KIR3DL3: variants seen among roughly 807,000 people sequenced by gnomAD.
The protein encoded by KIR3DL3 is killer cell immunoglobulin-like receptor 3DL3.
Under a neutral mutation model 34.9 loss-of-function variants are expected in KIR3DL3, and 27 were observed. The observed-to-expected ratio is 0.77, with a 90% CI of 0.57 to 1.07. KIR3DL3 has a LOEUF of 1.07. Ranked by LOEUF, KIR3DL3 falls within the 50% of genes least tolerant of loss-of-function variation. The probability of loss-of-function intolerance (pLI) is 0.00; values close to 1 mark genes in which losing one functional copy is unlikely to be tolerated. For missense variants in KIR3DL3, 681 were observed against 528.5 expected, an observed-to-expected ratio of 1.29 and a Z score of -2.83; for synonymous variants, 217 against 200.2, an observed-to-expected ratio of 1.08 and a Z score of -0.71.
chr19:54,732,236 G>A (rs1419717470), intron 5 of KIR3DL3, among the ~76,000 whole-genome samples: 2 of 137,964 alleles, frequency 1.4e-5, no homozygotes, highest in Admixed American at 7.9e-5. Flanking sequence ...GGTTTTTTGT[G>A]TGTGTGTGTG....
rs2069584998 is a variant in KIR3DL3, at chr19:54,736,171, G to T, written c.*75G>T. On this transcript the variant is annotated 3_prime_UTR_variant, in exon 8 of 8. Transcript: ENST00000291860. Reference sequence around the variant, plus strand: ...CTAGCACCACAGTCAGGCCTTGATGGGATCTTCTAGGGAGACAATAGCCCT... The same window carrying T: ...CTAGCACCACAGTCAGGCCTTGATGTGATCTTCTAGGGAGACAATAGCCCT... 1.3e-6 allele frequency: 2 copies of T among 1,581,136 alleles called. No homozygotes were observed. The highest frequency in any genetic ancestry group is 1.1e-5 in the South Asian group (1 of 89,904).
Position 54,735,237 on chromosome 19 carries a change from T to A in KIR3DL3, c.950-16T>A. 6.8e-7 allele frequency: 1 copy of A among 1,475,690 alleles called. No individual in the cohort carries two copies. Among genetic ancestry groups the A allele is most frequent in the Non-Finnish European group, 9.4e-7 (1 of 1,062,586 alleles). The allele number at this position is 1,475,690 out of a possible 1,614,324, so 91.4% of individuals were successfully genotyped here. A position where few individuals can be genotyped will look rare whatever the true frequency, so the allele number is the denominator to read the frequency against. On this transcript the variant is annotated splice_polypyrimidine_tract_variant and intron_variant, in intron 5 of 7. Transcript: ENST00000291860. ...TGCTATGATTAGCTTCTTATTGGTG[T>A]CTTGTCTTCCTCCAGGTAACTCCAG...
At chr19:54,726,829 A>C (rs1410566445) in intron 3 of KIR3DL3, among the ~76,000 whole-genome samples, 1 of 129,308 alleles carries the variant, frequency 7.7e-6, no homozygotes, top group Non-Finnish European at 1.7e-5. Context: ...CTGAGTCTCC[A>C]GAGGAAACAC....
chr19:54,734,266 G>C (rs1457306171), intron 5 of KIR3DL3, among the ~76,000 whole-genome samples: 3 of 151,428 alleles, frequency 2.0e-5, no homozygotes, highest in Admixed American at 1.3e-4. Flanking sequence ...ACACCTCCTG[G>C]AATGCACCTG....
At chr19:54,724,752 G>A (rs139931887) in intron 1 of KIR3DL3, among the ~76,000 whole-genome samples, 6,342 of 147,310 alleles carry the variant, frequency 0.043, 193 homozygotes, top group Non-Finnish European at 0.067. Context: ...TAGAGATATG[G>A]GCCTGGAACT....
Position 54,727,652 on chromosome 19 carries a change from C to A in KIR3DL3, c.397C>A (p.Leu133Met). The change falls in exon 4 of 8, where the codon CTG becomes ATG. Residue 133 changes from leucine to methionine, a missense_variant. Physicochemically the swap from Leu to Met is conservative, Grantham distance 15. Transcript: ENST00000291860. ...TTCCCTCCTGGCCCACCCAGGTCCC[C>A]TGGTGAAATCAGGAGAGACGGTCAT... The part of the protein sequence containing the change: ...KPSLLAHPGP[L>M]VKSGETVILQ... 1 of 1,611,990 alleles carries A rather than the reference C, an allele frequency of 6.2e-7. No homozygotes were observed. Among genetic ancestry groups the A allele is most frequent in the Non-Finnish European group, 8.5e-7 (1 of 1,179,468 alleles).
In KIR3DL3 at chr19:54,735,987, AC is replaced by A. The variant is rs988388308; in HGVS notation, c.1127del (p.Pro376LeufsTer4). ...TVNREDSDEQ[D>X]PQEVTYAQLN... ...TCCCTCCAGGACTCTGATGAACAAG[AC>A]CCTCAGGAGGTGACATACGCACAGT... is the stretch of plus-strand genomic sequence containing the variant. On this transcript the variant is annotated frameshift_variant, in exon 8 of 8. Transcript: ENST00000291860. LOFTEE classifies it low-confidence loss of function (END_TRUNC). 1.9e-6 allele frequency: 3 copies of A among 1,612,914 alleles called. No individual in the cohort carries two copies. The highest frequency in any genetic ancestry group is 2.5e-6 in the Non-Finnish European group (3 of 1,179,834).
chr19:54,728,426 G>A (rs1294319340), intron 4 of KIR3DL3, among the ~76,000 whole-genome samples: 1 of 147,664 alleles, frequency 6.8e-6, no homozygotes, highest in Non-Finnish European at 1.5e-5. Flanking sequence ...CCCAGGTGAG[G>A]GAGCAGAACA....
chr19:54,733,332 G>A (rs1284855951), intron 5 of KIR3DL3, among the ~76,000 whole-genome samples: 1 of 152,090 alleles, frequency 6.6e-6, no homozygotes, highest in Non-Finnish European at 1.5e-5. Flanking sequence ...AGGAGTTTGA[G>A]ACCAGCCTGG....
intron 5 of KIR3DL3, among the ~76,000 whole-genome samples, chr19:54,731,147 T>C (rs2068750616): frequency 6.6e-6 from 1 of 151,866 alleles, no homozygotes; most frequent in Non-Finnish European, 1.5e-5. Context: ...GCTGGGTTAC[T>C]GGCTCCCACC....
In KIR3DL3 at chr19:54,736,520, A is replaced by ATTCCACCTTTCCTCATGTTG. The variant is rs372934281; in HGVS notation, c.*439_*440insTGTTGTTCCACCTTTCCTCA. 0.12 allele frequency: 19,045 copies of ATTCCACCTTTCCTCATGTTG among 155,362 alleles called. 1,601 individuals are homozygous for ATTCCACCTTTCCTCATGTTG. Among genetic ancestry groups the ATTCCACCTTTCCTCATGTTG allele is most frequent in the African/African-American group, 0.2 (5,186 of 25,330 alleles). The allele number at this position is 155,362 out of a possible 1,614,324, so 9.6% of individuals were successfully genotyped here. On this transcript the variant is annotated 3_prime_UTR_variant, in exon 8 of 8. Coordinates refer to ENST00000291860, the MANE Select transcript of KIR3DL3 (RefSeq NM_153443.5). ...TTAACACGGCACTTAGATACGTGCT[A>ATTCCACCTTTCCTCATGTTG]TTCCACCTTTCCTCAGAGTATCTTT... is the stretch of plus-strand genomic sequence containing the variant.
At chr19:54,728,862 A>G (rs2068481729) in intron 4 of KIR3DL3, among the ~76,000 whole-genome samples, 1 of 150,212 alleles carries the variant, frequency 6.7e-6, no homozygotes, top group African/African-American at 2.4e-5. Flanking sequence ...AGATATAGAT[A>G]GATGAAAGAT....
intron 5 of KIR3DL3, among the ~76,000 whole-genome samples, chr19:54,735,003 C>A (rs2069310155): frequency 7.0e-6 from 1 of 142,674 alleles, no homozygotes; most frequent in Non-Finnish European, 1.5e-5. Context: ...GGCCCAACCT[C>A]CCACTCTGGG....
Position 54,727,730 on chromosome 19 carries a change from G to A in KIR3DL3, c.475G>A (p.Gly159Arg). ...TGAGCGCTTCCTTCTGCACAGAGAG[G>A]GGATCACTGAGGACCCCTTGCGCCT... ...RFERFLLHRE[G>R]ITEDPLRLVG... Residue 159 changes from glycine to arginine, a missense_variant, in exon 4 of 8, where the codon GGG becomes AGG. Gly to Arg is a moderately radical substitution (Grantham distance 125). Transcript: ENST00000291860. 6.2e-7 allele frequency: 1 copy of A among 1,613,022 alleles called. No individual in the cohort carries two copies. The highest frequency in any genetic ancestry group is 8.5e-7 in the Non-Finnish European group (1 of 1,179,790).
At chr19:54,725,317 C>T (rs2146741793) in intron 2 of KIR3DL3, 35 bp downstream of exon 2, 1 of 1,515,022 alleles carries the variant, frequency 6.6e-7, no homozygotes. Flanking sequence ...GTTGTCATCT[C>T]CCCACATAAG....
At position 54,726,175 on chromosome 19, in the gene KIR3DL3, G is replaced by A. The variant is rs1272187007; in HGVS notation, c.193G>A (p.Gly65Arg). ...TGAATTCAGTCTGTCCAAAGAAGAC[G>A]GGATGCCTGTCCCTGAGCTCTACAA... The part of the protein sequence containing the change: ...FNEFSLSKED[G>R]MPVPELYNRI... Residue 65 changes from glycine (G) to arginine (R), a missense_variant, in exon 3 of 8, where the codon GGG becomes AGG. Physicochemically the swap from Gly to Arg is moderately radical, Grantham distance 125. Coordinates refer to ENST00000291860, the MANE Select transcript of KIR3DL3 (RefSeq NM_153443.5). The A allele has an allele frequency of 4.7e-5, 76 of 1,613,364 alleles. No individual in the cohort carries two copies. The South Asian group carries it at 7.3e-4, about 15-fold the overall frequency.
intron 4 of KIR3DL3, among the ~76,000 whole-genome samples, chr19:54,729,219 G>A (rs2068529473): frequency 6.6e-6 from 1 of 151,040 alleles, no homozygotes; most frequent in African/African-American, 2.4e-5. Flanking sequence ...TAAAGAAAGA[G>A]GAAGATCAAG....
rs948768549 is a variant in KIR3DL3 at position 54,727,610 on chromosome 19, G to A, written c.356-1G>A. The A allele has an allele frequency of 6.2e-7, 1 of 1,609,806 alleles. No homozygotes were observed. The highest frequency in any genetic ancestry group is 1.3e-5 in the African/African-American group (1 of 74,202). On this transcript the variant is annotated splice_acceptor_variant, in intron 3 of 7. Coordinates refer to ENST00000291860, the MANE Select transcript of KIR3DL3 (RefSeq NM_153443.5). LOFTEE classifies it high-confidence loss of function. ...TCTGAACTCACAACCTCTCTTCTTA[G>A]GAGTCCACAGAAAACCTTCCCTCCT...
Position 54,735,882 on chromosome 19 carries a change from C to T in KIR3DL3, c.1107+10C>T. The T allele has an allele frequency of 6.2e-7, 1 of 1,605,914 alleles. No homozygotes were observed. Among genetic ancestry groups the T allele is most frequent in the Non-Finnish European group, 8.5e-7 (1 of 1,177,692 alleles). On this transcript the variant is annotated intron_variant, in intron 7 of 7. Transcript: ENST00000291860. The stretch of plus-strand genomic sequence containing the variant: ...AACAGTGAACAGGGAGGTAGGTGCT[C>T]CTCCGCCCAGCCTCGTGGCTAGTCT...
Sources: gnomAD v4.1 joint callset for allele counts (sites outside exome capture counted in the v4.1 genomes callset) on GRCh38, gnomAD v4.1.1 for gene constraint, MANE v1.5 for transcripts, NCBI Gene and HGNC (gene_info 2026-07-23, HGNC 2026-07-21) for gene names.